Variants in AUTS2 observed in about 807,000 individuals in gnomAD.
AUTS2 encodes activator of transcription and developmental regulator AUTS2, also known as autism susceptibility gene 2 protein.
A neutral mutation model predicts 112.4 loss-of-function variants in AUTS2; 17 were observed. The ratio of observed to expected loss-of-function variants is 0.15; its 90% CI spans 0.10 to 0.23. The LOEUF is 0.23. Ranked by LOEUF, AUTS2 falls within the 10% of genes least tolerant of loss-of-function variation. The pLI is 1.00. For synonymous variants in AUTS2, 751 were observed against 702.7 expected, an observed-to-expected ratio of 1.07 and a Z score of -1.09; for missense variants, 1,510 against 1,701.6, an observed-to-expected ratio of 0.89 and a Z score of 1.98.
intron 5 of AUTS2, among the ~76,000 whole-genome samples, chr7:70,605,540 C>CTTTTT (rs1803691102): frequency 1.5e-5 from 1 of 68,068 alleles, no homozygotes; most frequent in African/African-American, 7.2e-5. Context: ...TTCTTTCCTT[C>CTTTTT]TTTCTCTTTT....
intron 1 of AUTS2, among the ~76,000 whole-genome samples, chr7:69,632,279 G>C (rs537282830): frequency 6.6e-6 from 1 of 152,282 alleles, no homozygotes; most frequent in African/African-American, 2.4e-5. Context: ...GCTGGACAGT[G>C]ATTATGTGTT....
At chr7:70,044,557 A>G (rs911458345) in intron 2 of AUTS2, among the ~76,000 whole-genome samples, 1 of 152,210 alleles carries the variant, frequency 6.6e-6, no homozygotes, top group Non-Finnish European at 1.5e-5. Flanking sequence ...CTTAAGTGGG[A>G]GAAAAAATCT....
rs188349741 is a variant in AUTS2 at position 70,464,716 on chromosome 7, C to G, written c.690+28935C>G. The stretch of plus-strand genomic sequence containing the variant: ...CAGGTAGTTGGAATGGTAATCAGCA[C>G]GGTTTTGTGGAAAAGGAGTGCATTT... On this transcript the variant is annotated intron_variant, in intron 5 of 18. Coordinates refer to ENST00000342771, the MANE Select transcript of AUTS2 (RefSeq NM_015570.4). Among the ~76,000 whole-genome samples, 11 of 152,180 alleles carry G rather than the reference C, an allele frequency of 7.2e-5. No homozygotes were observed. In the East Asian group the frequency reaches 2.1e-3, roughly 29 times the overall value.
chr7:69,776,572 C>T (rs210598), intron 1 of AUTS2, among the ~76,000 whole-genome samples: 42,897 of 152,008 alleles, frequency 0.28, 6,132 homozygotes, highest in Middle Eastern at 0.34. Context: ...CACGCCACCA[C>T]ACCCAGCTAA....
chr7:69,970,253 C>T (rs1419987881), intron 2 of AUTS2, among the ~76,000 whole-genome samples: 1 of 151,974 alleles, frequency 6.6e-6, no homozygotes, highest in Non-Finnish European at 1.5e-5. Context: ...ACATATTCTC[C>T]CTGAGCAATT....
chr7:70,747,421 T>C (rs184979587), intron 6 of AUTS2, among the ~76,000 whole-genome samples: 1 of 152,328 alleles, frequency 6.6e-6, no homozygotes, highest in African/African-American at 2.4e-5. Flanking sequence ...CTTTGTAGCA[T>C]TTCAGATGTG....
chr7:70,564,837 C>T (rs900265400), intron 5 of AUTS2, among the ~76,000 whole-genome samples: 1 of 152,148 alleles, frequency 6.6e-6, no homozygotes, highest in Non-Finnish European at 1.5e-5. Flanking sequence ...CGGTAGCTCA[C>T]GCCTGTAATC....
At chr7:70,042,516 A>G (rs118029036) in intron 2 of AUTS2, among the ~76,000 whole-genome samples, 1 of 152,316 alleles carries the variant, frequency 6.6e-6, no homozygotes, top group Non-Finnish European at 1.5e-5. Context: ...ATTGTGCATT[A>G]AATACTGGAA....
chr7:70,405,907 G>A (rs1478422820), intron 4 of AUTS2, among the ~76,000 whole-genome samples: 1 of 152,168 alleles, frequency 6.6e-6, no homozygotes, highest in East Asian at 1.9e-4. Flanking sequence ...GTGAAGAATA[G>A]AGAAATAAAA....
chr7:69,657,083 A>G (rs1218080686), intron 1 of AUTS2, among the ~76,000 whole-genome samples: 2 of 152,322 alleles, frequency 1.3e-5, no homozygotes, highest in East Asian at 3.9e-4. Flanking sequence ...TTAATTAAAT[A>G]CACAGCTGAT....
chr7:70,501,473 C>T lies in AUTS2; in HGVS notation c.690+65692C>T, dbSNP rs1376999847. On this transcript the variant is annotated intron_variant, in intron 5 of 18. Transcript: ENST00000342771. ...AACCCAGAGAAAGGGAAGTTCTACC[C>T]GTAAAAGAGATGCCCATGTTTTCTT... Among the ~76,000 whole-genome samples, 11 of 152,296 alleles carry T rather than the reference C, an allele frequency of 7.2e-5. 1 individual carries two copies. In the South Asian group the frequency reaches 1.2e-3, roughly 17 times the overall value.
chr7:69,645,224 C>T (rs1228549528), intron 1 of AUTS2, among the ~76,000 whole-genome samples: 6 of 152,034 alleles, frequency 3.9e-5, no homozygotes, highest in Non-Finnish European at 8.8e-5. Context: ...GTCTTGAATT[C>T]TTCAACAGGG....
chr7:70,118,162 A>G lies in AUTS2; in HGVS notation c.553A>G (p.Ser185Gly). Residue 185 changes from serine to glycine, a missense_variant, in exon 3 of 19, where the codon AGT (serine) becomes GGT (glycine). Around this residue, in one of 3 missense-constraint regions of AUTS2, gnomAD observed 535 missense variants for 594.3 expected, o/e 0.90. Coordinates refer to ENST00000342771, the MANE Select transcript of AUTS2 (RefSeq NM_015570.4). ...LKPGQNSCRD[S>G]DSESASGESK... ...GCCAGGACAGAACAGCTGCAGGGACAGTGACAGTGAAAGTGCCAGTGGAGA... is the reference window on the plus strand; with the variant it reads ...GCCAGGACAGAACAGCTGCAGGGACGGTGACAGTGAAAGTGCCAGTGGAGA... 6.2e-7 allele frequency: 1 copy of G among 1,612,062 alleles called. No individual in the cohort carries two copies. Among genetic ancestry groups the G allele is most frequent in the Non-Finnish European group, 8.5e-7 (1 of 1,179,322 alleles).
At chr7:69,618,920 A>G (rs1793515013) in intron 1 of AUTS2, among the ~76,000 whole-genome samples, 1 of 152,102 alleles carries the variant, frequency 6.6e-6, no homozygotes, top group African/African-American at 2.4e-5. Flanking sequence ...GAGCTTTAAA[A>G]AAGTCCTTGT....
chr7:69,826,091 G>A (rs954929504), intron 1 of AUTS2, among the ~76,000 whole-genome samples: 5 of 152,128 alleles, frequency 3.3e-5, no homozygotes, highest in African/African-American at 9.7e-5. Context: ...ATCAGGTCCT[G>A]CAGCTATAGT....
Position 69,599,640 on chromosome 7 carries a change from G to T in AUTS2, c.-14G>T. The T allele has an allele frequency of 7.8e-7, 1 of 1,281,208 alleles. No individual in the cohort carries two copies. Among genetic ancestry groups the T allele is most frequent in the South Asian group, 3.0e-5 (1 of 33,064 alleles). The allele number at this position is 1,281,208 out of a possible 1,614,324, so 79.4% of individuals were successfully genotyped here. ...TGTGGCGGGCAAGCGGGGAGACCCC[G>T]GCGCAGCAGAACCATGGATGGCCCG... On this transcript the variant is annotated 5_prime_UTR_variant, in exon 1 of 19. Transcript: ENST00000342771. This position sits in a 1 kb window ranked among gnomAD's most constrained non-coding sequence, Gnocchi z 7.0.
At chr7:70,206,420 A>G (rs1810578099) in intron 4 of AUTS2, among the ~76,000 whole-genome samples, 2 of 151,852 alleles carry the variant, frequency 1.3e-5, no homozygotes, top group African/African-American at 2.4e-5. Context: ...GTTTCCTTCC[A>G]TAAGTATAGA....
chr7:70,581,022 A>G (rs1447736538), intron 5 of AUTS2, among the ~76,000 whole-genome samples: 2 of 152,118 alleles, frequency 1.3e-5, no homozygotes, highest in East Asian at 3.9e-4. Flanking sequence ...AGACAGGAGG[A>G]TCACTTGAGG....
chr7:70,530,039 A>G (rs1800013894), intron 5 of AUTS2, among the ~76,000 whole-genome samples: 1 of 152,198 alleles, frequency 6.6e-6, no homozygotes, highest in South Asian at 2.1e-4. Flanking sequence ...ACTGGGAGCC[A>G]TGATGTATTA....
Sources: allele counts gnomAD v4.1 joint callset (sites outside exome capture counted in the v4.1 genomes callset), GRCh38; gene constraint gnomAD v4.1.1; regional missense constraint gnomAD v4.1.1; non-coding constraint Gnocchi (gnomAD v3.1); transcripts MANE v1.5; gene names NCBI Gene and HGNC (gene_info 2026-07-23, HGNC 2026-07-21).